PTPRC: variants seen among roughly 807,000 people sequenced by gnomAD.
PTPRC encodes receptor-type tyrosine-protein phosphatase C.
A neutral mutation model predicts 155.9 loss-of-function variants in PTPRC; 44 were observed. The ratio of observed to expected loss-of-function variants is 0.28; its 90% CI spans 0.22 to 0.36. The LOEUF (loss-of-function observed/expected upper bound fraction) is 0.36. PTPRC is among the 10% of genes least tolerant of loss of function. PTPRC has a pLI of 1.00. For synonymous variants in PTPRC, 525 were observed against 533.1 expected (o/e 0.98, Z 0.21); for missense variants, 1,401 against 1,564.6 (o/e 0.90, Z 1.76).
At chr1:198,672,843 C>G (rs1664725438) in intron 2 of PTPRC, among the ~76,000 whole-genome samples, 1 of 152,142 alleles carries the variant, frequency 6.6e-6, no homozygotes, top group Non-Finnish European at 1.5e-5. Context: ...CATCTCCAAC[C>G]TTGCTTCCTA....
chr1:198,656,088 A>G (rs1282043709), intron 2 of PTPRC, among the ~76,000 whole-genome samples: 2 of 152,122 alleles, frequency 1.3e-5, no homozygotes, highest in Non-Finnish European at 1.5e-5. Flanking sequence ...TGTAGTAACA[A>G]TTAAGTATTA....
intron 2 of PTPRC, among the ~76,000 whole-genome samples, chr1:198,643,175 T>C (rs1464565639): frequency 6.6e-6 from 1 of 151,806 alleles, no homozygotes; most frequent in Non-Finnish European, 1.5e-5. Flanking sequence ...TTTCAAGTCA[T>C]TTCAATCTGC....
intron 8 of PTPRC, among the ~76,000 whole-genome samples, chr1:198,704,948 G>A (rs1404250859): frequency 2.0e-5 from 3 of 152,024 alleles, no homozygotes; most frequent in Non-Finnish European, 4.4e-5. Flanking sequence ...TGGAATAACA[G>A]CAAGTTTGTT....
chr1:198,663,282 C>T (rs1197094216), intron 2 of PTPRC, among the ~76,000 whole-genome samples: 4 of 152,208 alleles, frequency 2.6e-5, no homozygotes, highest in Admixed American at 6.5e-5. Flanking sequence ...CCAAACCAAG[C>T]TGGTGGTGGT....
chr1:198,712,012 A>G (rs1653336439), intron 11 of PTPRC, among the ~76,000 whole-genome samples: 1 of 152,170 alleles, frequency 6.6e-6, no homozygotes. Flanking sequence ...CAGGAATTTC[A>G]CTCCAGGTAT....
chr1:198,668,390 C>G (rs1303674924), intron 2 of PTPRC, among the ~76,000 whole-genome samples: 1 of 151,786 alleles, frequency 6.6e-6, no homozygotes, highest in Non-Finnish European at 1.5e-5. Context: ...ATAATGTCAC[C>G]CAAATTAGGG....
chr1:198,663,436 T>C (rs148636104), intron 2 of PTPRC, among the ~76,000 whole-genome samples: 52 of 152,308 alleles, frequency 3.4e-4, no homozygotes, highest in Middle Eastern at 3.4e-3. Context: ...GGTGCATTTG[T>C]GGAAATAGAA....
intron 27 of PTPRC, among the ~76,000 whole-genome samples, chr1:198,748,858 T>C (rs561447015): frequency 3.3e-5 from 5 of 151,910 alleles, no homozygotes; most frequent in African/African-American, 2.4e-5. Context: ...TTAATTTTCA[T>C]AGGAGTCCTT....
Position 198,650,870 on chromosome 1 carries a change from T to C in PTPRC, c.73+11529T>C, listed in dbSNP as rs185991828. ...TAGCCAGTGAAAAAAAGTAGAACTA[T>C]ACTTTGCTTTGAATGTTGAAAAGGG... On this transcript the variant is annotated intron_variant, in intron 2 of 32. Transcript: ENST00000442510. 4.7e-4 allele frequency among the ~76,000 whole-genome samples: 72 copies of C among 151,910 alleles called. 1 individual carries two copies. Among genetic ancestry groups the C allele is most frequent in the African/African-American group, 1.7e-3 (71 of 41,502 alleles).
chr1:198,709,441 G>C (rs904197107), intron 10 of PTPRC, among the ~76,000 whole-genome samples: 3 of 144,842 alleles, frequency 2.1e-5, no homozygotes, highest in African/African-American at 7.6e-5. Context: ...TCCAAAATCT[G>C]AAAAAAAAAA....
At chr1:198,669,609 G>A (rs1033179777) in intron 2 of PTPRC, among the ~76,000 whole-genome samples, 1 of 151,944 alleles carries the variant, frequency 6.6e-6, no homozygotes, top group South Asian at 2.1e-4. Context: ...CCACGGCATG[G>A]TGAATCCCTG....
In PTPRC at chr1:198,702,287, C is replaced by T. The variant is rs374696992; in HGVS notation, c.440-100C>T. 24 of 1,479,348 alleles carry T rather than the reference C, an allele frequency of 1.6e-5. No individual in the cohort carries two copies. The African/African-American group carries it at 1.9e-4, about 12-fold the overall frequency. 91.6% of individuals were successfully genotyped at this position (1,479,348 alleles called of 1,614,324 possible). A position where few individuals can be genotyped will look rare whatever the true frequency, so the allele number is the denominator to read the frequency against. On this transcript the variant is annotated intron_variant, in intron 5 of 32. Coordinates refer to ENST00000442510, the MANE Select transcript of PTPRC (RefSeq NM_002838.5). ...AGCAGAAGTGCTTGAAGATTTGTTT[C>T]TCTGCCTTATCTTTAGTAATTGTGT...
Position 198,734,334 on chromosome 1 carries a change from G to A in PTPRC, c.2186G>A (p.Arg729Lys). 6.2e-7 allele frequency: 1 copy of A among 1,611,118 alleles called. No homozygotes were observed. The highest frequency in any genetic ancestry group is 2.2e-5 in the East Asian group (1 of 44,734). Residue 729 changes from arginine to lysine, a missense_variant, in exon 22 of 33, where the codon AGG (arginine) becomes AAG (lysine). Coordinates refer to ENST00000442510, the MANE Select transcript of PTPRC (RefSeq NM_002838.5). ...TTATTTGTTTACCTCCTAGGTCCCA[G>A]GGATGAAACTGTTGATGATTTCTGG... ...PRKYIAAQGP[R>K]DETVDDFWRM...
intron 18 of PTPRC, 34 bp downstream of exon 18, chr1:198,731,760 C>T (rs773493798): frequency 1.0e-5 from 15 of 1,472,926 alleles, no homozygotes; most frequent in Non-Finnish European, 1.2e-5. Context: ...ATGATAAATT[C>T]GACATCAAGA....
At chr1:198,663,515 A>G (rs1377939532) in intron 2 of PTPRC, among the ~76,000 whole-genome samples, 2 of 152,240 alleles carry the variant, frequency 1.3e-5, no homozygotes, top group Non-Finnish European at 2.9e-5. Context: ...AGAAGACTTC[A>G]GTTAGAAGCT....
chr1:198,655,490 T>A, intron 2 of PTPRC, among the ~76,000 whole-genome samples: 1 of 152,102 alleles, frequency 6.6e-6, no homozygotes, highest in Non-Finnish European at 1.5e-5. Flanking sequence ...TTCTGTGGCC[T>A]GATACAATGA....
chr1:198,688,578 T>G (rs1665759728), intron 2 of PTPRC, among the ~76,000 whole-genome samples: 2 of 152,174 alleles, frequency 1.3e-5, no homozygotes, highest in South Asian at 4.1e-4. Context: ...ACCTCTAAAT[T>G]TTCTCTAATA....
chr1:198,649,795 G>T (rs915841918), intron 2 of PTPRC, among the ~76,000 whole-genome samples: 6 of 152,008 alleles, frequency 3.9e-5, no homozygotes, highest in African/African-American at 1.4e-4. Flanking sequence ...AGCAGAAAGT[G>T]TAACTACTTT....
At position 198,668,059 on chromosome 1, in the gene PTPRC, A is replaced by G. The variant is rs537874910; in HGVS notation, c.74-24288A>G. 1.3e-3 allele frequency among the ~76,000 whole-genome samples: 192 copies of G among 152,354 alleles called. 2 individuals carry two copies. The Middle Eastern group carries it at 0.014, about 11-fold the overall frequency. ...GAGAGTTAAAATATACTCTCCTAACAGTAGAATAATGATTGTTAGAGTGGC... is the reference window on the plus strand; with the variant it reads ...GAGAGTTAAAATATACTCTCCTAACGGTAGAATAATGATTGTTAGAGTGGC... On this transcript the variant is annotated intron_variant, in intron 2 of 32. Transcript: ENST00000442510.
Sources: gnomAD v4.1 joint callset for allele counts (sites outside exome capture counted in the v4.1 genomes callset) on GRCh38, gnomAD v4.1.1 for gene constraint, MANE v1.5 for transcripts, NCBI Gene and HGNC (gene_info 2026-07-23, HGNC 2026-07-21) for gene names.